ASL: variants seen among roughly 807,000 people sequenced by gnomAD.
The protein encoded by ASL is argininosuccinase.
In ASL, 51 loss-of-function variants were observed where a neutral mutation model predicts 69.1. The observed-to-expected ratio is 0.74, with a 90% CI of 0.59 to 0.93. The LOEUF (loss-of-function observed/expected upper bound fraction) is 0.93. Ranked by LOEUF, ASL falls within the 40% of genes least tolerant of loss-of-function variation. ASL has a pLI of 0.00. For synonymous variants in ASL, 241 were observed against 247.6 expected, an observed-to-expected ratio of 0.97 and a Z score of 0.25; for missense variants, 540 against 623.9, an observed-to-expected ratio of 0.87 and a Z score of 1.43.
chr7:66,083,064 C>G lies in ASL; in HGVS notation c.349-13C>G, dbSNP rs754595553. 6.2e-7 allele frequency: 1 copy of G among 1,613,794 alleles called. No individual in the cohort carries two copies. The highest frequency in any genetic ancestry group is 8.5e-7 in the Non-Finnish European group (1 of 1,179,954). On this transcript the variant is annotated splice_polypyrimidine_tract_variant and intron_variant, in intron 5 of 16. Transcript: ENST00000304874. ...ACATCGGCCTCCCTGAGCACCATCTCCTCCTTGCACAGGTGGTCACAGACC... is the reference window on the plus strand; with the variant it reads ...ACATCGGCCTCCCTGAGCACCATCTGCTCCTTGCACAGGTGGTCACAGACC...
chr7:66,085,429 G>A (rs943720072), intron 6 of ASL, among the ~76,000 whole-genome samples: 3 of 151,824 alleles, frequency 2.0e-5, no homozygotes, highest in Non-Finnish European at 2.9e-5. Flanking sequence ...CCGAGATCAC[G>A]CCACTGCATT....
chr7:66,091,987 C>T lies in ASL; in HGVS notation c.1063-19C>T, dbSNP rs376556406. 1.1e-5 allele frequency: 17 copies of T among 1,612,686 alleles called. No homozygotes were observed. Among genetic ancestry groups the T allele is most frequent in the African/African-American group, 5.3e-5 (4 of 74,926 alleles). ...CCCAGGGTCCCCAGGGCTCACCACTCGCCCACCTGTGCCCCCAGATTCACC... is the reference window on the plus strand; with the variant it reads ...CCCAGGGTCCCCAGGGCTCACCACTTGCCCACCTGTGCCCCCAGATTCACC... On this transcript the variant is annotated intron_variant, in intron 14 of 16. Coordinates refer to ENST00000304874, the MANE Select transcript of ASL (RefSeq NM_000048.4).
chr7:66,086,978 A>G (rs1786683930), intron 8 of ASL, 157 bp downstream of exon 8: 1 of 941,486 alleles, frequency 1.1e-6, no homozygotes, highest in Non-Finnish European at 1.6e-6. Context: ...TAAGGTGACG[A>G]CCAAGCCATT....
chr7:66,092,118 G>A (rs1242122725), intron 15 of ASL, 32 bp downstream of exon 15: 1 of 1,604,634 alleles, frequency 6.2e-7, no homozygotes, highest in South Asian at 1.1e-5. Context: ...GGAGGGTGAG[G>A]AGATGGGGTG....
chr7:66,092,485 GGT>G, intron 15 of ASL, 70 bp from the exon 16 acceptor site: 1 of 1,373,988 alleles, frequency 7.3e-7, no homozygotes, highest in Non-Finnish European at 1.0e-6. Context: ...AAAGGAAGGG[GGT>G]GCAGGCAATG....
At chr7:66,076,015 C>T (rs1562733599) in intron 1 of ASL, 24 bp from the exon 2 acceptor site, 13 of 1,560,640 alleles carry the variant, frequency 8.3e-6, no homozygotes, top group Non-Finnish European at 1.1e-5. Context: ...CCAAGGAGGT[C>T]GTCAGTCCGG....
At position 66,089,662 on chromosome 7, in the gene ASL, C is replaced by T. The variant is rs140532520; in HGVS notation, c.1029C>T (p.Leu343=). The change falls in exon 14 of 17, where the codon CTC becomes CTT. Residue 343 remains leucine (L), a synonymous_variant. Coordinates refer to ENST00000304874, the MANE Select transcript of ASL (RefSeq NM_000048.4). ...FEVSDTMSAV[L]QVATGVISTL... ...TGTCAGACACTATGAGTGCCGTGCT[C>T]CAGGTGGCCACTGGCGTCATCTCTA... 230 of 1,613,870 alleles carry T rather than the reference C, an allele frequency of 1.4e-4. 1 individual carries two copies. The African/African-American group carries it at 2.8e-3, about 20-fold the overall frequency.
At chr7:66,079,171 C>T (rs1269086121) in intron 2 of ASL, among the ~76,000 whole-genome samples, 5 of 152,122 alleles carry the variant, frequency 3.3e-5, no homozygotes, top group Non-Finnish European at 7.4e-5. Flanking sequence ...CCCACCTCAG[C>T]CTCCCAAAGT....
chr7:66,089,161 C>G lies in ASL; in HGVS notation c.904C>G (p.Arg302Gly). The change falls in exon 12 of 17, where the codon CGT becomes GGT. Residue 302 changes from arginine to glycine, a missense_variant. Arg to Gly is a moderately radical substitution (Grantham distance 125). Transcript: ENST00000304874. ...SLELIRSKAG[R>G]VFGRCAGLLM... ...GGAGCTGATCCGGAGCAAGGCTGGG[C>G]GTGTGTTTGGGCGGGTGAGCAAGGC... The G allele has an allele frequency of 6.2e-7, 1 of 1,604,950 alleles. No homozygotes were observed. The highest frequency in any genetic ancestry group is 8.5e-7 in the Non-Finnish European group (1 of 1,175,466).
chr7:66,090,095 A>G (rs1224644545), intron 14 of ASL, among the ~76,000 whole-genome samples: 3 of 152,014 alleles, frequency 2.0e-5, no homozygotes, highest in African/African-American at 7.2e-5. Flanking sequence ...AAAATTAGCC[A>G]GGCGTGATGG....
At chr7:66,087,885 G>A in intron 10 of ASL, 94 bp downstream of exon 10, 18 of 1,503,820 alleles carry the variant, frequency 1.2e-5, no homozygotes, top group Non-Finnish European at 1.6e-5. Context: ...CCACGGACAG[G>A]CTGGTTGTGG....
intron 8 of ASL, 73 bp from the exon 9 acceptor site, chr7:66,087,260 GT>G: frequency 7.6e-7 from 1 of 1,322,966 alleles, no homozygotes; most frequent in Non-Finnish European, 1.1e-6. Flanking sequence ...GTGTGTGTGT[GT>G]GTGTGTGTGT....
chr7:66,084,765 G>A (rs569458181), intron 6 of ASL, among the ~76,000 whole-genome samples: 5 of 152,202 alleles, frequency 3.3e-5, no homozygotes, highest in Non-Finnish European at 7.4e-5. Flanking sequence ...GAGTACAGGT[G>A]CCCACCACCA....
chr7:66,086,710 C>A (rs375574706), intron 7 of ASL, 34 bp from the exon 8 acceptor site: 8 of 1,611,018 alleles, frequency 5.0e-6, no homozygotes, highest in Non-Finnish European at 5.9e-6. Context: ...AGGACCCCGG[C>A]TGCCCTGACC....
intron 9 of ASL, 127 bp from the exon 10 acceptor site, chr7:66,087,602 T>G: frequency 9.6e-7 from 1 of 1,041,098 alleles, no homozygotes; most frequent in Non-Finnish European, 1.5e-6. Flanking sequence ...CCTGGGACTG[T>G]GCAAAAGATC....
At position 66,086,825 on chromosome 7, in the gene ASL, G is replaced by A. The variant is rs773070406; in HGVS notation, c.602+4G>A. ...TCAATGTCCTGCCCCTGGGGAGGTG[G>A]GTGAGGCTCCAGTGCCCCGAGGGCC... On this transcript the variant is annotated splice_donor_region_variant and intron_variant, in intron 8 of 16. Coordinates refer to ENST00000304874, the MANE Select transcript of ASL (RefSeq NM_000048.4). The A allele has an allele frequency of 1.9e-6, 3 of 1,570,926 alleles. No homozygotes were observed. The highest frequency in any genetic ancestry group is 2.3e-5 in the South Asian group (2 of 86,226).
intron 6 of ASL, chr7:66,083,399 G>C (rs546685663): frequency 2.1e-6 from 1 of 486,524 alleles, no homozygotes; most frequent in Admixed American, 3.3e-5. Flanking sequence ...CTAACCCTTC[G>C]TGGGGCTGGG....
chr7:66,078,342 C>T (rs1171987668), intron 2 of ASL, among the ~76,000 whole-genome samples: 1 of 152,088 alleles, frequency 6.6e-6, no homozygotes, highest in Admixed American at 6.6e-5. Context: ...GGGGCGGAGG[C>T]TGCCTCTGCA....
At chr7:66,084,528 G>A (rs941410707) in intron 6 of ASL, among the ~76,000 whole-genome samples, 2 of 152,060 alleles carry the variant, frequency 1.3e-5, no homozygotes, top group African/African-American at 2.4e-5. Context: ...CACCTAGGCT[G>A]GAGTGCAATG....
Sources: gnomAD v4.1 joint callset for allele counts (sites outside exome capture counted in the v4.1 genomes callset) on GRCh38, gnomAD v4.1.1 for gene constraint, MANE v1.5 for transcripts, NCBI Gene and HGNC (gene_info 2026-07-23, HGNC 2026-07-21) for gene names.